ZNF892: variants seen among roughly 807,000 people sequenced by gnomAD.
ZNF892 encodes the protein zinc finger protein 570-like.
chr2:95,239,730 C>A, the ZNF892 span, among the ~76,000 whole-genome samples: 2 of 152,114 alleles, frequency 1.3e-5, no homozygotes, highest in African/African-American at 4.8e-5. Context: ...TGGGTTCAAG[C>A]AATTCTCCTG....
chr2:95,226,154 C>T, the ZNF892 span, among the ~76,000 whole-genome samples: 9 of 152,310 alleles, frequency 5.9e-5, no homozygotes, highest in African/African-American at 1.7e-4. Flanking sequence ...GGTCTCTTTA[C>T]AGTGGCTCCA....
At chr2:95,249,238 T>A in the ZNF892 span, among the ~76,000 whole-genome samples, 1,463 of 111,156 alleles carry the variant, frequency 0.013, 3 homozygotes, top group Middle Eastern at 0.023. Context: ...TATATTTTTT[T>A]TTTTTTTTTT....
At chr2:95,234,385 AT>A in the ZNF892 span, among the ~76,000 whole-genome samples, 6 of 152,290 alleles carry the variant, frequency 3.9e-5, no homozygotes, top group Non-Finnish European at 8.8e-5. Flanking sequence ...CTCTAATCTG[AT>A]TGTGGGTCTA....
At chr2:95,258,092 C>T in the ZNF892 span, among the ~76,000 whole-genome samples, 1 of 152,204 alleles carries the variant, frequency 6.6e-6, no homozygotes. Flanking sequence ...CACTGTCCAA[C>T]AATCCCCAGT....
chr2:95,236,168 T>G, the ZNF892 span, among the ~76,000 whole-genome samples: 2 of 152,236 alleles, frequency 1.3e-5, no homozygotes, highest in Admixed American at 6.5e-5. Context: ...GTCAAAGCCT[T>G]GGCAATATAG....
At chr2:95,250,979 AAAT>A in the ZNF892 span, among the ~76,000 whole-genome samples, 365 of 148,824 alleles carry the variant, frequency 2.5e-3, 3 homozygotes, top group African/African-American at 8.4e-3. Context: ...TTATATAAAA[AAAT>A]AAATGCTTAT....
At chr2:95,212,737 C>T in the ZNF892 span, among the ~76,000 whole-genome samples, 1 of 152,142 alleles carries the variant, frequency 6.6e-6, no homozygotes, top group South Asian at 2.1e-4. Context: ...ACTAAGCTTC[C>T]TTGGTTTAAA....
At chr2:95,234,804 G>T in the ZNF892 span, among the ~76,000 whole-genome samples, 4 of 152,244 alleles carry the variant, frequency 2.6e-5, no homozygotes, top group African/African-American at 9.6e-5. Flanking sequence ...CTGGTAAACA[G>T]AAGTGTTTCT....
the ZNF892 span, chr2:95,214,207 G>A: frequency 2.5e-6 from 1 of 396,026 alleles, no homozygotes; most frequent in Non-Finnish European, 4.4e-6. Context: ...GAGCTTTCAA[G>A]TTCATGTGTT....
the ZNF892 span, among the ~76,000 whole-genome samples, chr2:95,243,292 C>T: frequency 1.5e-4 from 23 of 151,944 alleles, no homozygotes; most frequent in African/African-American, 2.7e-4. Context: ...AAGTGAGGAG[C>T]GTCTCTGCCT....
At chr2:95,251,901 A>T in the ZNF892 span, among the ~76,000 whole-genome samples, 7 of 152,210 alleles carry the variant, frequency 4.6e-5, no homozygotes, top group Admixed American at 6.5e-5. Flanking sequence ...ACCAGTGGGT[A>T]CCCAGAACCA....
chr2:95,213,455 G>A, the ZNF892 span, among the ~76,000 whole-genome samples: 1 of 152,180 alleles, frequency 6.6e-6, no homozygotes, highest in Non-Finnish European at 1.5e-5. Flanking sequence ...TAGCAATGAA[G>A]CTTTTCCCCC....
chr2:95,257,057 CCTT>C, the ZNF892 span, among the ~76,000 whole-genome samples: 3 of 152,182 alleles, frequency 2.0e-5, no homozygotes, highest in South Asian at 4.1e-4. Context: ...TCATCTGAAG[CCTT>C]CTTCTCTCAA....
At chr2:95,213,357 C>T in the ZNF892 span, among the ~76,000 whole-genome samples, 63 of 152,256 alleles carry the variant, frequency 4.1e-4, no homozygotes, top group Admixed American at 6.5e-5. Flanking sequence ...TAGTTGAGAA[C>T]ACTGTATTGT....
At chr2:95,254,642 T>C in the ZNF892 span, among the ~76,000 whole-genome samples, 1 of 152,212 alleles carries the variant, frequency 6.6e-6, no homozygotes, top group Non-Finnish European at 1.5e-5. Flanking sequence ...ATTGGAATAG[T>C]TTCAGAAGGA....
At chr2:95,241,188 T>C in the ZNF892 span, among the ~76,000 whole-genome samples, 1 of 152,176 alleles carries the variant, frequency 6.6e-6, no homozygotes, top group East Asian at 1.9e-4. Flanking sequence ...AGTGGATCCC[T>C]AATCCCATTT....
At chr2:95,249,231 ATTTTTT>A in the ZNF892 span, among the ~76,000 whole-genome samples, 27 of 57,102 alleles carry the variant, frequency 4.7e-4, no homozygotes, top group Admixed American at 1.6e-3. Flanking sequence ...ATATATATAT[ATTTTTT>A]TTTTTTTTTT....
chr2:95,250,579 AT>A, the ZNF892 span, among the ~76,000 whole-genome samples: 4 of 145,920 alleles, frequency 2.7e-5, no homozygotes, highest in East Asian at 2.0e-4. Context: ...AAATTTATAA[AT>A]ATAAGCTATT....
the ZNF892 span, chr2:95,207,466 C>T: frequency 9.4e-6 from 2 of 212,252 alleles, no homozygotes; most frequent in East Asian, 1.0e-4. Flanking sequence ...CTCTGGGAAG[C>T]GGTGTTGGGA....
Sources: gnomAD v4.1 joint callset for allele counts (sites outside exome capture counted in the v4.1 genomes callset) on GRCh38, gnomAD v4.1.1 for gene constraint, MANE v1.5 for transcripts, NCBI Gene and HGNC (gene_info 2026-07-23, HGNC 2026-07-21) for gene names.